Variants in CCDC102B observed in about 807,000 individuals in gnomAD.
CCDC102B encodes the protein coiled-coil domain containing 102B.
CCDC102B carries 75 observed loss-of-function variants against 57.4 expected under a neutral mutation model. The observed-to-expected ratio is 1.31, with a 90% confidence interval of 1.08 to 1.58. The LOEUF (loss-of-function observed/expected upper bound fraction) is 1.58, where lower values mean the gene tolerates loss of function less well. Ranked by LOEUF, CCDC102B falls within the 40% of genes most tolerant of loss-of-function variation. CCDC102B has a pLI of 0.00. For missense variants in CCDC102B, 636 were observed against 582.6 expected (o/e 1.09, Z -0.94); for synonymous variants, 206 against 201.9 (o/e 1.02, Z -0.17).
At chr18:69,022,663 A>C (rs1163737736) in intron 7 of CCDC102B, among the ~76,000 whole-genome samples, 1 of 151,986 alleles carries the variant, frequency 6.6e-6, no homozygotes, top group Admixed American at 6.6e-5. Flanking sequence ...TTATGTATTT[A>C]TGTATCCCCT....
intron 2 of CCDC102B, among the ~76,000 whole-genome samples, chr18:68,765,316 GGAAGGAAGGAAAGAAAGAAAGAAAGAAA>G (rs1568238672): frequency 1.6e-4 from 6 of 36,524 alleles, no homozygotes; most frequent in East Asian, 1.3e-3. Context: ...AAGGAAGGAA[GGAAGGAAGGAAAGAAAGAAAGAAAGAAA>G]GAAAGAAAGA....
At chr18:68,866,889 T>G in intron 4 of CCDC102B, 1 of 641,572 alleles carries the variant, frequency 1.6e-6, no homozygotes, top group Non-Finnish European at 3.0e-6. Flanking sequence ...CTCTTCCCTC[T>G]CATGTATCAC....
chr18:68,754,835 A>G (rs1410139895), intron 2 of CCDC102B: 3 of 152,192 alleles, frequency 2.0e-5, no homozygotes, highest in South Asian at 4.1e-4. Context: ...CAGTACTCTC[A>G]TAAGAGAAGC....
intron 7 of CCDC102B, among the ~76,000 whole-genome samples, chr18:69,013,591 A>G (rs189070502): frequency 1.3e-5 from 2 of 152,358 alleles, no homozygotes; most frequent in East Asian, 1.9e-4. Context: ...GAAGTCTGGA[A>G]TGATGGAATC....
intron 6 of CCDC102B, among the ~76,000 whole-genome samples, chr18:68,953,354 T>C (rs1443219422): frequency 1.0e-5 from 1 of 97,370 alleles, no homozygotes; most frequent in Non-Finnish European, 2.3e-5. Context: ...CCAATACTTG[T>C]CTTTTTTTTT....
intron 6 of CCDC102B, among the ~76,000 whole-genome samples, chr18:68,914,214 C>G (rs916235307): frequency 1.3e-5 from 2 of 152,180 alleles, no homozygotes; most frequent in African/African-American, 4.8e-5. Flanking sequence ...GAGTTTGAGA[C>G]TCTCCCCATG....
intron 6 of CCDC102B, among the ~76,000 whole-genome samples, chr18:68,930,646 C>T (rs2041638912): frequency 6.6e-6 from 1 of 151,898 alleles, no homozygotes; most frequent in Non-Finnish European, 1.5e-5. Flanking sequence ...TTCACAAAGC[C>T]AGCATGTGGT....
intron 6 of CCDC102B, among the ~76,000 whole-genome samples, chr18:69,008,148 T>A (rs1356658771): frequency 6.6e-6 from 1 of 152,190 alleles, no homozygotes; most frequent in African/African-American, 2.4e-5. Flanking sequence ...TCAAGAAAGA[T>A]CTTTTTTTAA....
Position 68,893,157 on chromosome 18 carries a change from A to C in CCDC102B, c.1054-4062A>C, listed in dbSNP as rs1380459191. Among the ~76,000 whole-genome samples, 4 of 152,344 alleles carry C rather than the reference A, an allele frequency of 2.6e-5. No homozygotes were observed. The South Asian group carries it at 8.3e-4, about 32-fold the overall frequency. ...GTTGATGTTTTCTTCTTTAGGAAATAAATTTATGACTTTAGACATTTTTGA... is the reference window on the plus strand; with the variant it reads ...GTTGATGTTTTCTTCTTTAGGAAATCAATTTATGACTTTAGACATTTTTGA... On this transcript the variant is annotated intron_variant, in intron 5 of 7. Coordinates refer to ENST00000360242, the MANE Select transcript of CCDC102B (RefSeq NM_024781.3).
chr18:68,820,694 C>T (rs1022029753), intron 1 of CCDC102B, among the ~76,000 whole-genome samples: 2 of 152,036 alleles, frequency 1.3e-5, no homozygotes, highest in African/African-American at 2.4e-5. Flanking sequence ...TTCATTCATT[C>T]ATTTATTCTT....
intron 5 of CCDC102B, among the ~76,000 whole-genome samples, chr18:68,877,001 A>G (rs1366777230): frequency 2.0e-5 from 3 of 152,224 alleles, no homozygotes; most frequent in Admixed American, 1.3e-4. Flanking sequence ...TCCAGGAAAT[A>G]TTAGGTGCCT....
intron 6 of CCDC102B, among the ~76,000 whole-genome samples, chr18:69,007,898 C>G (rs1390374971): frequency 6.6e-6 from 1 of 152,182 alleles, no homozygotes. Context: ...CTTCCTCTTT[C>G]CTCTTTCCTT....
chr18:68,987,920 A>G (rs908248116), intron 6 of CCDC102B, among the ~76,000 whole-genome samples: 1 of 152,198 alleles, frequency 6.6e-6, no homozygotes, highest in Non-Finnish European at 1.5e-5. Context: ...TGCAGAAAAA[A>G]AGGGAATGCT....
chr18:69,010,795 A>T, intron 6 of CCDC102B, 139 bp from the exon 7 acceptor site: 1 of 576,970 alleles, frequency 1.7e-6, no homozygotes, highest in Middle Eastern at 4.7e-4. Context: ...GATTACAGAA[A>T]TGTAGAATTG....
At chr18:68,960,996 T>C (rs138869482) in intron 6 of CCDC102B, among the ~76,000 whole-genome samples, 54 of 152,314 alleles carry the variant, frequency 3.5e-4, no homozygotes, top group African/African-American at 1.3e-3. Context: ...CAGTTTCCTT[T>C]AGTAAATATA....
At chr18:68,798,547 G>A (rs1325641477) in intron 1 of CCDC102B, 2 of 152,132 alleles carry the variant, frequency 1.3e-5, no homozygotes, top group African/African-American at 4.8e-5. Context: ...TAGTCATTGT[G>A]TTTGAAGTAA....
chr18:69,010,190 C>G (rs1316263206), intron 6 of CCDC102B, among the ~76,000 whole-genome samples: 5 of 148,756 alleles, frequency 3.4e-5, no homozygotes, highest in Non-Finnish European at 7.4e-5. Context: ...GATCCGCCTG[C>G]CTCGGCCTCC....
chr18:68,802,970 T>C (rs1270079943), intron 1 of CCDC102B, among the ~76,000 whole-genome samples: 1 of 152,198 alleles, frequency 6.6e-6, no homozygotes, highest in Admixed American at 6.5e-5. Context: ...TCATCTTTTG[T>C]ATATACAGAT....
intron 7 of CCDC102B, among the ~76,000 whole-genome samples, chr18:69,053,596 A>G (rs192138601): frequency 6.6e-6 from 1 of 151,800 alleles, no homozygotes; most frequent in Admixed American, 6.6e-5. Flanking sequence ...TACAAAAGAA[A>G]CTCACACATA....
Sources: gnomAD v4.1 joint callset for allele counts (sites outside exome capture counted in the v4.1 genomes callset) on GRCh38, gnomAD v4.1.1 for gene constraint, MANE v1.5 for transcripts, NCBI Gene and HGNC (gene_info 2026-07-23, HGNC 2026-07-21) for gene names.